KIF26A: variants seen among roughly 807,000 people sequenced by gnomAD.
The protein encoded by KIF26A is kinesin-like protein KIF26A.
KIF26A carries 74 observed loss-of-function variants against 126.0 expected under a neutral mutation model. That is an observed-to-expected ratio of 0.59 (90% CI 0.49 to 0.71). The LOEUF is 0.71. KIF26A is among the 30% of genes least tolerant of loss of function. KIF26A has a pLI of 0.00. For synonymous variants in KIF26A, 1,445 were observed against 1,232.7 expected (o/e 1.17, Z -3.61); for missense variants, 2,984 against 2,763.3 (o/e 1.08, Z -1.79).
chr14:104,173,002 G>T lies in KIF26A; in HGVS notation c.1446G>T (p.Lys482Asn). 1 of 1,602,158 alleles carries T rather than the reference G, an allele frequency of 6.2e-7. No homozygotes were observed. The highest frequency in any genetic ancestry group is 8.5e-7 in the Non-Finnish European group (1 of 1,174,072). ...SLGKSYTMIG[K>N]DSSPQSLGIV... is the part of the protein sequence containing the mutation. Reference sequence around the variant, plus strand: ...GCAAGTCGTACACCATGATCGGGAAGGACAGCTCACCCCAGAGCCTGGGCA... The same window carrying T: ...GCAAGTCGTACACCATGATCGGGAATGACAGCTCACCCCAGAGCCTGGGCA... The change falls in exon 8 of 15, where the codon AAG (lysine) becomes AAT (asparagine). Residue 482 changes from lysine to asparagine, a missense_variant. Transcript: ENST00000423312.
Position 104,164,932 on chromosome 14 carries a change from T to C in KIF26A, c.924-1927T>C, listed in dbSNP as rs146847044. On this transcript the variant is annotated intron_variant, in intron 4 of 14. Coordinates refer to ENST00000423312, the MANE Select transcript of KIF26A (RefSeq NM_015656.2). ...GTGTCTGTCTCTGTGTGTGTCTCTA[T>C]GTCTCTCCGTGTTTCTGTATGCATA... Among the ~76,000 whole-genome samples, 241 of 152,156 alleles carry C rather than the reference T, an allele frequency of 1.6e-3. 1 individual carries two copies. The highest frequency in any genetic ancestry group is 5.3e-3 in the African/African-American group (218 of 41,506).
intron 14 of KIF26A, 56 bp from the exon 15 acceptor site, chr14:104,179,553 C>G (rs895188764): frequency 1.4e-5 from 21 of 1,452,638 alleles, no homozygotes; most frequent in Admixed American, 2.6e-5. Context: ...GGCCAGGTGG[C>G]TGCCCCCAGC....
Position 104,178,473 on chromosome 14 carries a change from T to C in KIF26A, c.5111-77T>C, listed in dbSNP as rs968907694. ...CCTCCCTGTCAGGACTCGGGCCGGC[T>C]CCGCAGCGTCCCCGCAGGGGCTGTG... On this transcript the variant is annotated intron_variant, in intron 12 of 14. Transcript: ENST00000423312. The C allele has an allele frequency of 2.6e-5, 29 of 1,136,354 alleles. No individual in the cohort carries two copies. In the South Asian group the frequency reaches 5.3e-4, roughly 21 times the overall value. 70.4% of individuals were successfully genotyped at this position (1,136,354 alleles called of 1,614,324 possible).
intron 5 of KIF26A, among the ~76,000 whole-genome samples, chr14:104,169,875 CT>C (rs1774147028): frequency 6.6e-6 from 1 of 152,208 alleles, no homozygotes; most frequent in African/African-American, 2.4e-5. Flanking sequence ...CTTGCTGTGC[CT>C]TTTCCTGCAA....
chr14:104,138,944 A>G, intron 1 of KIF26A, 99 bp from the exon 2 acceptor site: 2 of 1,297,986 alleles, frequency 1.5e-6, no homozygotes, highest in Non-Finnish European at 1.9e-6. Flanking sequence ...CAGGGCTCCT[A>G]ACTTTGGCAA....
At chr14:104,166,465 CT>C (rs2037903694) in intron 4 of KIF26A, among the ~76,000 whole-genome samples, 1 of 152,160 alleles carries the variant, frequency 6.6e-6, no homozygotes, top group Non-Finnish European at 1.5e-5. Flanking sequence ...CTGTGCATGG[CT>C]GCCCACAGCC....
chr14:104,169,377 C>T (rs920885664), intron 5 of KIF26A, among the ~76,000 whole-genome samples: 3 of 152,232 alleles, frequency 2.0e-5, no homozygotes, highest in African/African-American at 7.2e-5. Flanking sequence ...CAGCGCCCCG[C>T]GTTTCTTAGG....
In KIF26A at chr14:104,175,545, C is replaced by T. The variant is rs45499594; in HGVS notation, c.2757C>T (p.Val919=). 1 of 1,603,434 alleles carries T rather than the reference C, an allele frequency of 6.2e-7. No homozygotes were observed. The highest frequency in any genetic ancestry group is 8.5e-7 in the Non-Finnish European group (1 of 1,179,052). Reference sequence around the variant, plus strand: ...CCCCTGAGCCCTGCAAGGCCATTGTCTGGGGTGACCAGAGAGAGGACAGCA... The same window carrying T: ...CCCCTGAGCCCTGCAAGGCCATTGTTTGGGGTGACCAGAGAGAGGACAGCA... ...QGTPEPCKAI[V]WGDQREDSSA... Residue 919 remains valine, a synonymous_variant, in exon 12 of 15, where the codon GTC becomes GTT. Transcript: ENST00000423312.
At position 104,177,582 on chromosome 14, in the gene KIF26A, G is replaced by T. The variant is rs530446802; in HGVS notation, c.4794G>T (p.Val1598=). 3.9e-6 allele frequency: 6 copies of T among 1,534,114 alleles called. No homozygotes were observed. The South Asian group carries it at 4.8e-5, about 12-fold the overall frequency. ...GCGGCCATGACAGCGGCGTGAACGT[G>T]GGGGAGGAGCGGCCACCCACGGGCC... ...SDSGHDSGVN[V]GEERPPTGPA... Residue 1598 remains valine (V), a synonymous_variant, in exon 12 of 15, where the codon GTG becomes GTT. Transcript: ENST00000423312.
At position 104,176,520 on chromosome 14, in the gene KIF26A, G is replaced by T; in HGVS notation, c.3732G>T (p.Leu1244=). ...GAGGCCTGTTTGAGGACCCATGGCT[G>T]CTCCGGGTAGGGGAGTGTGATACCC... The part of the protein sequence containing the change: ...GRGGLFEDPW[L]LRVGECDTQA... The change falls in exon 12 of 15, where the codon CTG becomes CTT. Residue 1244 remains leucine, a synonymous_variant. Coordinates refer to ENST00000423312, the MANE Select transcript of KIF26A (RefSeq NM_015656.2). 1 of 1,604,916 alleles carries T rather than the reference G, an allele frequency of 6.2e-7. No individual in the cohort carries two copies. The highest frequency in any genetic ancestry group is 2.2e-5 in the East Asian group (1 of 44,872).
chr14:104,154,805 C>T (rs1339489144), intron 3 of KIF26A, among the ~76,000 whole-genome samples: 1 of 152,226 alleles, frequency 6.6e-6, no homozygotes, highest in Non-Finnish European at 1.5e-5. Context: ...AGAGGGGCGG[C>T]CCGGTGGGCA....
chr14:104,141,751 G>A (rs1356788892), intron 2 of KIF26A, among the ~76,000 whole-genome samples: 2 of 152,146 alleles, frequency 1.3e-5, no homozygotes, highest in African/African-American at 2.4e-5. Context: ...TGAATGTGTT[G>A]CTCTTTAGCA....
At chr14:104,149,096 C>A (rs117210021) in intron 2 of KIF26A, among the ~76,000 whole-genome samples, 1 of 152,152 alleles carries the variant, frequency 6.6e-6, no homozygotes, top group Non-Finnish European at 1.5e-5. Flanking sequence ...TGTGATGGCT[C>A]AGTGGTGGGG....
intron 12 of KIF26A, 102 bp from the exon 13 acceptor site, chr14:104,178,448 C>A: frequency 2.3e-6 from 2 of 873,972 alleles, no homozygotes; most frequent in Non-Finnish European, 3.2e-6. Flanking sequence ...ATCCCGAAGG[C>A]CTCCCTGTCA....
intron 6 of KIF26A, among the ~76,000 whole-genome samples, chr14:104,172,290 C>T (rs1566863385): frequency 6.6e-6 from 1 of 152,262 alleles, no homozygotes; most frequent in Non-Finnish European, 1.5e-5. Context: ...GTGTGCGTCT[C>T]TCTGCGCGTG....
Position 104,175,557 on chromosome 14 carries a change from G to A in KIF26A, c.2769G>A (p.Gln923=). ...GCAAGGCCATTGTCTGGGGTGACCA[G>A]AGAGAGGACAGCAGCGCTTGGCCTG... ...EPCKAIVWGD[Q]REDSSAWPEL... Residue 923 remains glutamine (Q), a synonymous_variant, in exon 12 of 15, where the codon CAG becomes CAA. Transcript: ENST00000423312. 1 of 1,605,104 alleles carries A rather than the reference G, an allele frequency of 6.2e-7. No individual in the cohort carries two copies. The highest frequency in any genetic ancestry group is 8.5e-7 in the Non-Finnish European group (1 of 1,179,102).
chr14:104,173,420 G>A lies in KIF26A; in HGVS notation c.1774G>A (p.Ala592Thr). 2 of 1,583,086 alleles carry A rather than the reference G, an allele frequency of 1.3e-6. No individual in the cohort carries two copies. Among genetic ancestry groups the A allele is most frequent in the African/African-American group, 1.3e-5 (1 of 74,290 alleles). Residue 592 changes from alanine to threonine, a missense_variant, in exon 9 of 15, where the codon GCG becomes ACG. Coordinates refer to ENST00000423312, the MANE Select transcript of KIF26A (RefSeq NM_015656.2). ...CCTGGCGGCCCGCAGCACCAGCCGA[G>A]CGGGCTGTGGCGAGGACGCCCGACG... ...AALAARSTSR[A>T]GCGEDARRSS...
rs760641447 is a variant in KIF26A, at chr14:104,151,728, C to T, written c.289-287C>T. On this transcript the variant is annotated intron_variant, in intron 2 of 14. Coordinates refer to ENST00000423312, the MANE Select transcript of KIF26A (RefSeq NM_015656.2). This position sits in a 1 kb window ranked among gnomAD's most constrained non-coding sequence, Gnocchi z 4.9. ...CTTAGCTGACAGTGGTCCGGTTGTC[C>T]GGGAGCCGCAAACCTGCCTTGTTAG... Among the ~76,000 whole-genome samples, 6 of 152,190 alleles carry T rather than the reference C, an allele frequency of 3.9e-5. No homozygotes were observed. Among genetic ancestry groups the T allele is most frequent in the East Asian group, 1.9e-4 (1 of 5,186 alleles).
chr14:104,139,386 C>G, intron 2 of KIF26A, 98 bp downstream of exon 2: 1 of 1,307,468 alleles, frequency 7.6e-7, no homozygotes, highest in East Asian at 3.1e-5. Context: ...CACTCCTTCC[C>G]TGCTGCTGTT....
Sources: gnomAD v4.1 joint callset for allele counts (sites outside exome capture counted in the v4.1 genomes callset) on GRCh38, gnomAD v4.1.1 for gene constraint, Gnocchi (gnomAD v3.1) non-coding constraint, MANE v1.5 for transcripts, NCBI Gene and HGNC (gene_info 2026-07-23, HGNC 2026-07-21) for gene names.